Variants in SLIT1 observed in about 807,000 individuals in gnomAD.
The protein encoded by SLIT1 is slit guidance ligand 1.
Under a neutral mutation model 186.1 loss-of-function variants are expected in SLIT1, and 66 were observed. The observed-to-expected ratio is 0.35, with a 90% CI of 0.29 to 0.44. SLIT1 has a LOEUF of 0.44. Among genes scored for constraint, SLIT1 ranks in the 20% least tolerant of loss-of-function variants. The pLI, the probability that SLIT1 is intolerant of heterozygous loss-of-function variation, is 1.00. For synonymous variants in SLIT1, 761 were observed against 833.8 expected, an observed-to-expected ratio of 0.91 and a Z score of 1.50; for missense variants, 1,638 against 2,037.4, an observed-to-expected ratio of 0.80 and a Z score of 3.77.
intron 4 of SLIT1, among the ~76,000 whole-genome samples, chr10:97,130,707 T>G (rs1458377286): frequency 1.3e-5 from 2 of 152,172 alleles, no homozygotes; most frequent in Non-Finnish European, 2.9e-5. Context: ...TCCCCATCTG[T>G]AAAATAAGGA....
chr10:97,064,079 G>A, intron 7 of SLIT1, 89 bp downstream of exon 7: 1 of 1,087,604 alleles, frequency 9.2e-7, no homozygotes, highest in Non-Finnish European at 1.4e-6. Context: ...TCCATGACCT[G>A]TCTGCAAAAC....
At chr10:97,161,960 G>C (rs1850033456) in intron 3 of SLIT1, among the ~76,000 whole-genome samples, 1 of 152,206 alleles carries the variant, frequency 6.6e-6, no homozygotes, top group Non-Finnish European at 1.5e-5. Context: ...GATTAAATGA[G>C]ATAATATAAG....
chr10:97,046,687 C>A lies in SLIT1; in HGVS notation c.1820G>T (p.Gly607Val), dbSNP rs866342431. The A allele has an allele frequency of 6.2e-7, 1 of 1,610,676 alleles. No individual in the cohort carries two copies. Among genetic ancestry groups the A allele is most frequent in the Admixed American group, 1.7e-5 (1 of 59,998 alleles). Residue 607 changes from glycine to valine, a missense_variant, in exon 18 of 37, where the codon GGC becomes GTC. Physicochemically the swap from Gly to Val is moderately radical, Grantham distance 109. Transcript: ENST00000266058. ...TANQLESIRSGMFRGLDGLRT... is the reference protein window; with the variant it reads ...TANQLESIRSVMFRGLDGLRT... ...CAAGCCATCCAGACCCCGGAACATG[C>A]CGCTCCGGATGGACTCCAGCTGGTT...
At position 96,999,140 on chromosome 10, in the gene SLIT1, T is replaced by C. The variant is rs1435607789; in HGVS notation, c.*1972A>G. ...CCTGGAAACTCAGAGAGGGATGCCA[T>C]GTGGGCCTGGGAGAAGCCCCATGAG... On this transcript the variant is annotated 3_prime_UTR_variant, in exon 37 of 37. Transcript: ENST00000266058. The C allele has an allele frequency of 6.6e-6, 1 of 151,870 alleles. No homozygotes were observed. Among genetic ancestry groups the C allele is most frequent in the Non-Finnish European group, 1.5e-5 (1 of 68,076 alleles). 9.4% of individuals were successfully genotyped at this position (151,870 alleles called of 1,614,324 possible).
chr10:97,147,068 T>A (rs1354071621), intron 4 of SLIT1, among the ~76,000 whole-genome samples: 1 of 152,072 alleles, frequency 6.6e-6, no homozygotes, highest in African/African-American at 2.4e-5. Context: ...ATGTGGTCTA[T>A]CCAAACAGTG....
rs1389136582 is a variant in SLIT1 at position 97,006,534 on chromosome 10, G to A, written c.3528C>T (p.Tyr1176=). Residue 1176 remains tyrosine (Y), a synonymous_variant, in exon 32 of 37, where the codon TAC becomes TAT. Coordinates refer to ENST00000266058, the MANE Select transcript of SLIT1 (RefSeq NM_003061.3). The surrounding 1 kb of genome is among the most constrained non-coding windows in gnomAD (Gnocchi z 4.0). The part of the protein sequence containing the change: ...LSVNFVDRDT[Y]LQFTDLQNWP... Reference sequence around the variant, plus strand: ...AGTTTTGCAGGTCAGTGAACTGCAGGTAAGTGTCCCGATCCACAAAGTTGA... The same window carrying A: ...AGTTTTGCAGGTCAGTGAACTGCAGATAAGTGTCCCGATCCACAAAGTTGA... 4 of 1,614,182 alleles carry A rather than the reference G, an allele frequency of 2.5e-6. No individual in the cohort carries two copies. The highest frequency in any genetic ancestry group is 3.4e-6 in the Non-Finnish European group (4 of 1,180,012).
chr10:97,082,286 A>T (rs1360295203), intron 4 of SLIT1, among the ~76,000 whole-genome samples: 2 of 152,214 alleles, frequency 1.3e-5, no homozygotes, highest in African/African-American at 4.8e-5. Context: ...CTCTTGTGTG[A>T]CACACGATTG....
rs769942071 is a variant in SLIT1 at position 97,063,579 on chromosome 10, C to G, written c.669G>C (p.Leu223=). 3 of 1,612,906 alleles carry G rather than the reference C, an allele frequency of 1.9e-6. No homozygotes were observed. The highest frequency in any genetic ancestry group is 4.5e-5 in the East Asian group (2 of 44,882). The change falls in exon 8 of 37, where the codon CTG becomes CTC. Residue 223 remains leucine (L), a synonymous_variant. Transcript: ENST00000266058. ...GCCTCAGCCACTGCGAGAGCCAGGC[C>G]AGGTGGCAGTCGCAAAACAGGTGGT... ...HSNHLFCDCH[L]AWLSQWLRQR... is the part of the protein sequence containing the mutation.
In SLIT1 at chr10:97,043,303, G is replaced by A; in HGVS notation, c.1997+67C>T. 4 of 1,592,946 alleles carry A rather than the reference G, an allele frequency of 2.5e-6. No individual in the cohort carries two copies. Among genetic ancestry groups the A allele is most frequent in the Non-Finnish European group, 3.4e-6 (4 of 1,164,738 alleles). On this transcript the variant is annotated intron_variant, in intron 19 of 36. Coordinates refer to ENST00000266058, the MANE Select transcript of SLIT1 (RefSeq NM_003061.3). This position sits in a 1 kb window ranked among gnomAD's most constrained non-coding sequence, Gnocchi z 7.0. ...CCCCAGGGTGAGCTCTTTCAAAGTG[G>A]CTGGCCGAGACGGTTGGGACGGTTG... is the stretch of plus-strand genomic sequence containing the variant.
At chr10:97,133,616 G>A (rs1234784068) in intron 4 of SLIT1, among the ~76,000 whole-genome samples, 2 of 152,178 alleles carry the variant, frequency 1.3e-5, no homozygotes, top group Admixed American at 6.5e-5. Context: ...TTACTGAACA[G>A]TACACTGAAA....
At chr10:97,181,122 G>A (rs892937014) in intron 1 of SLIT1, among the ~76,000 whole-genome samples, 2 of 152,150 alleles carry the variant, frequency 1.3e-5, no homozygotes, top group Middle Eastern at 3.2e-3. Flanking sequence ...CACGGCACGG[G>A]GGTCCTAACA....
At chr10:97,060,011 C>T (rs1046624639) in intron 10 of SLIT1, 76 bp downstream of exon 10, 7 of 1,275,664 alleles carry the variant, frequency 5.5e-6, no homozygotes, top group Non-Finnish European at 1.1e-6. Flanking sequence ...TTAGGGCCTG[C>T]CCCAGGGCTG....
At chr10:97,037,879 A>G in intron 21 of SLIT1, 113 bp from the exon 22 acceptor site, 1 of 759,628 alleles carries the variant, frequency 1.3e-6, no homozygotes, top group Non-Finnish European at 2.2e-6. Context: ...TCTCCTCCAC[A>G]TAGGCCACAC....
intron 4 of SLIT1, among the ~76,000 whole-genome samples, chr10:97,135,395 T>C (rs1342941754): frequency 2.0e-5 from 3 of 152,104 alleles, no homozygotes; most frequent in African/African-American, 7.2e-5. Flanking sequence ...CTCCCTAGAA[T>C]GGAGGCCCCT....
chr10:97,032,677 C>T (rs1046184394), intron 23 of SLIT1, among the ~76,000 whole-genome samples: 2 of 152,150 alleles, frequency 1.3e-5, no homozygotes, highest in African/African-American at 2.4e-5. Flanking sequence ...TAACTGAATC[C>T]ATCCAGGGCA....
At chr10:97,126,172 C>T (rs973948809) in intron 4 of SLIT1, among the ~76,000 whole-genome samples, 11 of 152,208 alleles carry the variant, frequency 7.2e-5, no homozygotes, top group African/African-American at 2.4e-4. Context: ...AATAACTTTC[C>T]GATGTGAAGG....
chr10:97,088,447 T>C (rs1326177255), intron 4 of SLIT1, among the ~76,000 whole-genome samples: 1 of 152,196 alleles, frequency 6.6e-6, no homozygotes, highest in East Asian at 1.9e-4. Flanking sequence ...ATGTGGTATG[T>C]CAGGGGGAGT....
intron 25 of SLIT1, among the ~76,000 whole-genome samples, chr10:97,024,995 AGCGATG>A (rs1399537370): frequency 6.6e-6 from 1 of 152,216 alleles, no homozygotes; most frequent in Non-Finnish European, 1.5e-5. Context: ...GCAGGCCAGG[AGCGATG>A]GCTCACGCCT....
In SLIT1 at chr10:97,183,786, T is replaced by A. The variant is rs74992054; in HGVS notation, c.197+1692A>T. 3.9e-4 allele frequency among the ~76,000 whole-genome samples: 59 copies of A among 152,174 alleles called. 2 individuals are homozygous for A. In the East Asian group the frequency reaches 0.011, roughly 29 times the overall value. The stretch of plus-strand genomic sequence containing the variant: ...TCTAGGCTGCAACCAGGGTAGCAGC[T>A]TCAGGAGAAACTCCAGTGGACAAGG... On this transcript the variant is annotated intron_variant, in intron 1 of 36. Coordinates refer to ENST00000266058, the MANE Select transcript of SLIT1 (RefSeq NM_003061.3).
Sources: gnomAD v4.1 joint callset for allele counts (sites outside exome capture counted in the v4.1 genomes callset) on GRCh38, gnomAD v4.1.1 for gene constraint, Gnocchi (gnomAD v3.1) non-coding constraint, MANE v1.5 for transcripts, NCBI Gene and HGNC (gene_info 2026-07-23, HGNC 2026-07-21) for gene names.